Variants in PTPRE observed in about 807,000 individuals in gnomAD.
PTPRE encodes receptor-type tyrosine-protein phosphatase epsilon.
In PTPRE, 51 loss-of-function variants were observed where a neutral mutation model predicts 102.0. That is an observed-to-expected ratio of 0.50 (90% CI 0.40 to 0.63). The LOEUF is 0.63. Among genes scored for constraint, PTPRE ranks in the 30% least tolerant of loss-of-function variants. The pLI is 0.00. For synonymous variants in PTPRE, 345 were observed against 348.2 expected (o/e 0.99, Z 0.10); for missense variants, 752 against 915.1 (o/e 0.82, Z 2.30).
At chr10:127,924,278 T>G (rs757425705) in intron 1 of PTPRE, among the ~76,000 whole-genome samples, 1 of 152,186 alleles carries the variant, frequency 6.6e-6, no homozygotes, top group Non-Finnish European at 1.5e-5. Flanking sequence ...CAGGCTGGAG[T>G]GCAATGGTGC....
At chr10:128,076,870 T>TG in intron 18 of PTPRE, 142 bp downstream of exon 18, 1 of 1,212,514 alleles carries the variant, frequency 8.2e-7, no homozygotes, top group South Asian at 1.4e-5. Flanking sequence ...GAATGGCCAA[T>TG]GGGTTTCAGA....
In PTPRE at chr10:128,028,485, A is replaced by T. The variant is rs1421723381; in HGVS notation, c.-7-12390A>T. On this transcript the variant is annotated intron_variant, in intron 2 of 20. Transcript: ENST00000254667. The surrounding 1 kb of genome is among the most constrained non-coding windows in gnomAD (Gnocchi z 4.5). ...ACAGAATCTGCATTTCTTAGGAAAA[A>T]TGGGGCAAAGGTGAGATGGTACACA... Among the ~76,000 whole-genome samples the T allele has an allele frequency of 6.6e-6, 1 of 152,110 alleles. No individual in the cohort carries two copies. Among genetic ancestry groups the T allele is most frequent in the Non-Finnish European group, 1.5e-5 (1 of 68,010 alleles).
chr10:127,945,525 G>A (rs1010255137), intron 1 of PTPRE, among the ~76,000 whole-genome samples: 8 of 152,250 alleles, frequency 5.3e-5, no homozygotes, highest in Admixed American at 5.2e-4. Context: ...GGAAGCTGAT[G>A]TATGGAGCGT....
intron 20 of PTPRE, among the ~76,000 whole-genome samples, chr10:128,081,375 ATGTC>A (rs1590264370): frequency 1.3e-5 from 2 of 152,188 alleles, no homozygotes; most frequent in African/African-American, 4.8e-5. Context: ...TTGACCAGAA[ATGTC>A]TGTCTGTGAC....
At chr10:127,928,034 A>G (rs1210055064) in intron 1 of PTPRE, among the ~76,000 whole-genome samples, 1 of 152,234 alleles carries the variant, frequency 6.6e-6, no homozygotes, top group African/African-American at 2.4e-5. Flanking sequence ...ATTAGAGAGT[A>G]TATTGATTTC....
chr10:127,915,878 G>A (rs1846168651), intron 1 of PTPRE, among the ~76,000 whole-genome samples: 1 of 151,792 alleles, frequency 6.6e-6, no homozygotes, highest in Non-Finnish European at 1.5e-5. Context: ...TGGGCATTGG[G>A]TACATTTTAA....
intron 1 of PTPRE, among the ~76,000 whole-genome samples, chr10:127,920,484 G>A (rs1173655570): frequency 6.6e-6 from 1 of 152,178 alleles, no homozygotes; most frequent in Non-Finnish European, 1.5e-5. Flanking sequence ...GAGTCCCAGT[G>A]GCAGGGCAGA....
chr10:128,077,468 TCTC>T (rs1851309920), intron 18 of PTPRE, 146 bp from the exon 19 acceptor site: 4 of 1,045,562 alleles, frequency 3.8e-6, no homozygotes, highest in Non-Finnish European at 4.0e-6. Context: ...GTTTCAGCCT[TCTC>T]CTTCAGGCTG....
chr10:127,920,535 G>A (rs531361623), intron 1 of PTPRE, among the ~76,000 whole-genome samples: 100 of 152,310 alleles, frequency 6.6e-4, no homozygotes, highest in Admixed American at 1.3e-3. Flanking sequence ...AGTCCACCCA[G>A]ATTGCATTTA....
intron 2 of PTPRE, among the ~76,000 whole-genome samples, chr10:128,018,967 T>C (rs969118257): frequency 2.0e-5 from 3 of 152,220 alleles, no homozygotes; most frequent in African/African-American, 4.8e-5. Flanking sequence ...ATGTGCACAC[T>C]GCACCAGGGA....
At chr10:128,000,711 C>T (rs1440368059) in intron 2 of PTPRE, among the ~76,000 whole-genome samples, 1 of 152,198 alleles carries the variant, frequency 6.6e-6, no homozygotes, top group Admixed American at 6.5e-5. Context: ...TGTGGTACTT[C>T]GTTTAAATCA....
chr10:127,963,537 A>G (rs114854049), intron 1 of PTPRE, among the ~76,000 whole-genome samples: 2,352 of 152,334 alleles, frequency 0.015, 70 homozygotes, highest in African/African-American at 0.054. Flanking sequence ...GATAAATAAC[A>G]TAGGCGTCTT....
intron 1 of PTPRE, among the ~76,000 whole-genome samples, chr10:127,977,010 G>A (rs1020501792): frequency 2.0e-5 from 3 of 152,158 alleles, no homozygotes; most frequent in Non-Finnish European, 4.4e-5. Flanking sequence ...AAAGTGATGA[G>A]GTCTCTGTTA....
In PTPRE at chr10:128,066,203, CT is replaced by C. The variant is rs745624764; in HGVS notation, c.843+10del. 13 of 1,612,214 alleles carry C rather than the reference CT, an allele frequency of 8.1e-6. No homozygotes were observed. Among genetic ancestry groups the C allele is most frequent in the Non-Finnish European group, 1.1e-5 (13 of 1,178,488 alleles). On this transcript the variant is annotated intron_variant, in intron 11 of 20. Coordinates refer to ENST00000254667, the MANE Select transcript of PTPRE (RefSeq NM_006504.6). ...AGTTCTGCATACAGCCAGTAAGCAT[CT>C]CTAGTTGCTGCCCTTCCAGAAAGAT...
chr10:127,921,402 A>T (rs1372997534), intron 1 of PTPRE, among the ~76,000 whole-genome samples: 1 of 152,178 alleles, frequency 6.6e-6, no homozygotes, highest in Non-Finnish European at 1.5e-5. Context: ...AGCAGGGGCC[A>T]CACGGCTGCT....
intron 2 of PTPRE, among the ~76,000 whole-genome samples, chr10:128,035,298 C>A (rs1590085726): frequency 6.6e-6 from 1 of 151,924 alleles, no homozygotes; most frequent in Non-Finnish European, 1.5e-5. Flanking sequence ...CACACACACA[C>A]AAAATATGTT....
intron 1 of PTPRE, among the ~76,000 whole-genome samples, chr10:127,940,676 A>G (rs1441758409): frequency 1.3e-5 from 2 of 152,108 alleles, no homozygotes; most frequent in African/African-American, 2.4e-5. Flanking sequence ...TTCTAGGCCT[A>G]TTGTCCATCG....
intron 2 of PTPRE, among the ~76,000 whole-genome samples, chr10:128,002,443 T>A (rs1410624366): frequency 6.6e-6 from 1 of 151,984 alleles, no homozygotes; most frequent in Non-Finnish European, 1.5e-5. Flanking sequence ...TCTATCTAAT[T>A]CCAGGGGCCC....
intron 2 of PTPRE, among the ~76,000 whole-genome samples, chr10:128,031,512 C>T (rs1178965345): frequency 6.6e-6 from 1 of 152,216 alleles, no homozygotes; most frequent in Admixed American, 6.5e-5. Flanking sequence ...CTGCTGTTTT[C>T]CTGGCCAGGG....
Sources: gnomAD v4.1 joint callset for allele counts (sites outside exome capture counted in the v4.1 genomes callset) on GRCh38, gnomAD v4.1.1 for gene constraint, Gnocchi (gnomAD v3.1) non-coding constraint, MANE v1.5 for transcripts, NCBI Gene and HGNC (gene_info 2026-07-23, HGNC 2026-07-21) for gene names.